BABAM2: variants seen among roughly 807,000 people sequenced by gnomAD.
BABAM2 encodes the protein BRISC and BRCA1 A complex member 2.
In BABAM2, 31 loss-of-function variants were observed where a neutral mutation model predicts 54.7. That is an observed-to-expected ratio of 0.57 (90% CI 0.43 to 0.77). BABAM2 has a LOEUF of 0.77. BABAM2 is among the 30% of genes least tolerant of loss of function. The probability of loss-of-function intolerance (pLI) is 0.00; values close to 1 mark genes in which losing one functional copy is unlikely to be tolerated. For missense variants in BABAM2, 364 were observed against 455.8 expected (o/e 0.80, Z 1.83); for synonymous variants, 167 against 162.9 (o/e 1.03, Z -0.19).
intron 2 of BABAM2, among the ~76,000 whole-genome samples, chr2:27,910,379 A>C (rs1360535807): frequency 6.6e-6 from 1 of 151,330 alleles, no homozygotes; most frequent in Non-Finnish European, 1.5e-5. Context: ...CTAAACATTA[A>C]AGGTTTAAAC....
At position 28,025,433 on chromosome 2, in the gene BABAM2, G is replaced by C; in HGVS notation, c.495+13G>C. The C allele has an allele frequency of 6.5e-7, 1 of 1,550,258 alleles. No individual in the cohort carries two copies. The highest frequency in any genetic ancestry group is 8.7e-7 in the Non-Finnish European group (1 of 1,155,040). On this transcript the variant is annotated intron_variant, in intron 5 of 11. Transcript: ENST00000379624. ...AAAAAACAACTGGGTAAGGATTTTT[G>C]AGAATGGAAAAAAAGATGACTTCAT...
At chr2:28,075,925 T>C (rs1664618382) in intron 6 of BABAM2, among the ~76,000 whole-genome samples, 1 of 152,066 alleles carries the variant, frequency 6.6e-6, no homozygotes, top group Non-Finnish European at 1.5e-5. Flanking sequence ...TAAATAAATA[T>C]GTTGTATATT....
intron 7 of BABAM2, among the ~76,000 whole-genome samples, chr2:28,175,451 G>A (rs1674817044): frequency 6.6e-6 from 1 of 152,164 alleles, no homozygotes; most frequent in Admixed American, 6.5e-5. Flanking sequence ...GCCTTCCAGT[G>A]TCTTCGGGAT....
At chr2:28,161,866 G>C (rs956494025) in intron 7 of BABAM2, among the ~76,000 whole-genome samples, 4 of 152,038 alleles carry the variant, frequency 2.6e-5, no homozygotes, top group Non-Finnish European at 5.9e-5. Flanking sequence ...TGAGGGCAGA[G>C]ATCTTTAATT....
intron 6 of BABAM2, among the ~76,000 whole-genome samples, chr2:28,095,330 C>T (rs1173763951): frequency 6.6e-6 from 1 of 152,168 alleles, no homozygotes; most frequent in Non-Finnish European, 1.5e-5. Flanking sequence ...GCAGAGCCTT[C>T]ATCATAGGTT....
At chr2:28,081,410 G>A (rs1185004685) in intron 6 of BABAM2, among the ~76,000 whole-genome samples, 1 of 152,174 alleles carries the variant, frequency 6.6e-6, no homozygotes, top group Non-Finnish European at 1.5e-5. Flanking sequence ...GACCAGGCAA[G>A]GTCCACTGTG....
intron 3 of BABAM2, among the ~76,000 whole-genome samples, chr2:27,971,947 T>C (rs1348934100): frequency 1.3e-5 from 2 of 152,204 alleles, no homozygotes; most frequent in South Asian, 2.1e-4. Context: ...AGAATATTTA[T>C]TGCTCAATAA....
intron 2 of BABAM2, among the ~76,000 whole-genome samples, chr2:27,903,561 A>G (rs1665968549): frequency 6.6e-6 from 1 of 152,196 alleles, no homozygotes; most frequent in African/African-American, 2.4e-5. Flanking sequence ...CATGAAATAG[A>G]TGAATATACT....
rs752462794 is a variant in BABAM2 at position 28,298,300 on chromosome 2, A to G, written c.935-38A>G. 5.6e-6 allele frequency: 9 copies of G among 1,600,728 alleles called. No homozygotes were observed. In the Admixed American group the frequency reaches 8.7e-5, roughly 15 times the overall value. On this transcript the variant is annotated intron_variant, in intron 10 of 11. Coordinates refer to ENST00000379624, the MANE Select transcript of BABAM2 (RefSeq NM_199191.3). ...AAAAAAAAAATCTTAAGATGTGTTT[A>G]TGCTCTAACTTTCTTTTTCTTTCTT...
At chr2:27,926,691 C>T (rs1361812040) in intron 2 of BABAM2, among the ~76,000 whole-genome samples, 3 of 152,058 alleles carry the variant, frequency 2.0e-5, no homozygotes, top group African/African-American at 4.8e-5. Context: ...TTCTCTGTCT[C>T]GTCAGTCCTA....
intron 7 of BABAM2, among the ~76,000 whole-genome samples, chr2:28,211,956 A>T (rs1445081172): frequency 2.0e-5 from 3 of 152,198 alleles, no homozygotes; most frequent in African/African-American, 7.2e-5. Context: ...ATCAGGATTC[A>T]AATAGTCTAT....
intron 11 of BABAM2, chr2:28,327,144 T>C: frequency 1.0e-6 from 1 of 963,878 alleles, no homozygotes; most frequent in Non-Finnish European, 1.5e-6. Context: ...ACATCTGTGA[T>C]GAACGCCAGA....
At chr2:28,314,121 C>T (rs1689308845) in intron 11 of BABAM2, among the ~76,000 whole-genome samples, 1 of 152,202 alleles carries the variant, frequency 6.6e-6, no homozygotes, top group Non-Finnish European at 1.5e-5. Flanking sequence ...ATGGGTCACC[C>T]AGTGCCTCCT....
chr2:28,235,990 G>A (rs1307231457), intron 7 of BABAM2, among the ~76,000 whole-genome samples: 1 of 152,114 alleles, frequency 6.6e-6, no homozygotes, highest in Non-Finnish European at 1.5e-5. Context: ...GATTTTCTAG[G>A]CAGTTATTGT....
intron 6 of BABAM2, among the ~76,000 whole-genome samples, chr2:28,105,220 T>C (rs1477032337): frequency 1.3e-5 from 2 of 152,058 alleles, no homozygotes; most frequent in African/African-American, 4.8e-5. Flanking sequence ...AAATTCAGTT[T>C]GTGATGTCAA....
At chr2:28,091,950 A>G (rs556923264) in intron 6 of BABAM2, among the ~76,000 whole-genome samples, 2 of 152,282 alleles carry the variant, frequency 1.3e-5, no homozygotes, top group African/African-American at 4.8e-5. Flanking sequence ...AGGTAGTCCA[A>G]TAGAACCTCA....
chr2:28,104,832 T>A (rs1396968340), intron 6 of BABAM2, among the ~76,000 whole-genome samples: 1 of 152,162 alleles, frequency 6.6e-6, no homozygotes, highest in African/African-American at 2.4e-5. Context: ...AATTTGGCAC[T>A]TATACACCAT....
At chr2:28,320,705 A>C (rs1452321275) in intron 11 of BABAM2, among the ~76,000 whole-genome samples, 1 of 152,180 alleles carries the variant, frequency 6.6e-6, no homozygotes, top group Non-Finnish European at 1.5e-5. Flanking sequence ...CTTCCTGCTC[A>C]GCCTTAGCCC....
chr2:28,134,553 A>G (rs1031543345), intron 7 of BABAM2: 8 of 152,274 alleles, frequency 5.3e-5, no homozygotes, highest in African/African-American at 1.9e-4. Context: ...CACTCTGTGC[A>G]TAAAAAGAGG....
Sources: gnomAD v4.1 joint callset for allele counts (sites outside exome capture counted in the v4.1 genomes callset) on GRCh38, gnomAD v4.1.1 for gene constraint, MANE v1.5 for transcripts, NCBI Gene and HGNC (gene_info 2026-07-23, HGNC 2026-07-21) for gene names.